Variants in KLHL32 observed in about 807,000 individuals in gnomAD.
KLHL32 encodes kelch-like protein 32.
In KLHL32, 35 loss-of-function variants were observed where a neutral mutation model predicts 64.8. That is an observed-to-expected ratio of 0.54 (90% CI 0.41 to 0.72). KLHL32 has a LOEUF of 0.72. Ranked by LOEUF, KLHL32 falls within the 30% of genes least tolerant of loss-of-function variation. The pLI, the probability that KLHL32 is intolerant of heterozygous loss-of-function variation, is 0.00. For synonymous variants in KLHL32, 259 were observed against 281.0 expected (o/e 0.92, Z 0.78); for missense variants, 589 against 768.5 (o/e 0.77, Z 2.76).
chr6:96,936,153 T>C (rs1276989495), intron 1 of KLHL32, among the ~76,000 whole-genome samples: 1 of 152,198 alleles, frequency 6.6e-6, no homozygotes, highest in African/African-American at 2.4e-5. Context: ...ACTAGAAATA[T>C]AATTAAGAAA....
At chr6:97,089,599 T>G (rs1438938116) in intron 6 of KLHL32, among the ~76,000 whole-genome samples, 1 of 152,092 alleles carries the variant, frequency 6.6e-6, no homozygotes, top group African/African-American at 2.4e-5. Context: ...CCCAACATAG[T>G]GAAACCCCAT....
chr6:97,060,236 GA>G (rs917046370), intron 4 of KLHL32, among the ~76,000 whole-genome samples: 13 of 150,554 alleles, frequency 8.6e-5, no homozygotes, highest in Non-Finnish European at 1.5e-4. Context: ...ACAGGCAGGA[GA>G]AAAAAAAAGG....
At chr6:97,059,010 C>T (rs1298905995) in intron 4 of KLHL32, among the ~76,000 whole-genome samples, 1 of 152,182 alleles carries the variant, frequency 6.6e-6, no homozygotes, top group East Asian at 1.9e-4. Context: ...CACTGAGGCA[C>T]CTGGAGTTGA....
At chr6:96,967,752 C>CA (rs966087550) in intron 2 of KLHL32, among the ~76,000 whole-genome samples, 2 of 152,042 alleles carry the variant, frequency 1.3e-5, no homozygotes, top group Non-Finnish European at 2.9e-5. Flanking sequence ...AGTAACGACA[C>CA]AAAAATAATT....
At position 97,114,402 on chromosome 6, in the gene KLHL32, T is replaced by C. The variant is rs1379922098; in HGVS notation, c.1247T>C (p.Val416Ala). ...GAACTGCGCCAGGTTCTGCCTACAG[T>C]TGAGCGATATTGCCCCAAGAAGAAC... ...RNELRQVLPTVERYCPKKNKW... is the reference protein window; with the variant it reads ...RNELRQVLPTAERYCPKKNKW... The change falls in exon 7 of 11, where the codon GTT becomes GCT. Residue 416 changes from valine to alanine, a missense_variant. By Grantham distance (64) the Val-to-Ala change is moderately conservative. Coordinates refer to ENST00000369261, the MANE Select transcript of KLHL32 (RefSeq NM_052904.4). 6.2e-7 allele frequency: 1 copy of C among 1,614,090 alleles called. No individual in the cohort carries two copies. Among genetic ancestry groups the C allele is most frequent in the African/African-American group, 1.3e-5 (1 of 74,926 alleles).
chr6:96,980,049 AGGAG>A (rs1776131465), intron 3 of KLHL32, among the ~76,000 whole-genome samples: 1 of 152,170 alleles, frequency 6.6e-6, no homozygotes, highest in Admixed American at 6.5e-5. Flanking sequence ...TATCAGATTT[AGGAG>A]ATATGGGGCA....
At chr6:97,097,418 C>T (rs775728499) in intron 6 of KLHL32, among the ~76,000 whole-genome samples, 7 of 152,124 alleles carry the variant, frequency 4.6e-5, no homozygotes, top group South Asian at 2.1e-4. Context: ...GGGCATCAGA[C>T]GGATGTTTAA....
chr6:97,073,702 C>T (rs918457570), intron 5 of KLHL32, among the ~76,000 whole-genome samples: 1 of 152,002 alleles, frequency 6.6e-6, no homozygotes, highest in African/African-American at 2.4e-5. Context: ...TGCTTCCTGA[C>T]TAGGGAACAT....
intron 1 of KLHL32, among the ~76,000 whole-genome samples, chr6:96,933,805 G>A (rs1005327276): frequency 7.9e-5 from 12 of 152,140 alleles, no homozygotes; most frequent in African/African-American, 2.7e-4. Flanking sequence ...AGTCACTCAT[G>A]GTGGCTTGAG....
intron 3 of KLHL32, among the ~76,000 whole-genome samples, chr6:97,028,815 T>TC (rs1403695675): frequency 1.3e-5 from 2 of 152,206 alleles, no homozygotes; most frequent in East Asian, 3.9e-4. Flanking sequence ...AAAAGTGCCA[T>TC]CCCTAAACAT....
At position 96,938,440 on chromosome 6, in the gene KLHL32, C is replaced by T. The variant is rs118141573; in HGVS notation, c.-66+13414C>T. On this transcript the variant is annotated intron_variant, in intron 1 of 10. Transcript: ENST00000369261. ...ACCTTCTCTTCTGGGCTCCACCTTC[C>T]GGCATGCTTCTCGTGTCCTGCAGAT... Among the ~76,000 whole-genome samples, 788 of 152,274 alleles carry T rather than the reference C, an allele frequency of 5.2e-3. 7 individuals carry two copies. Among genetic ancestry groups the T allele is most frequent in the East Asian group, 0.034 (173 of 5,158 alleles).
intron 7 of KLHL32, among the ~76,000 whole-genome samples, chr6:97,118,349 T>C (rs1798012635): frequency 6.6e-6 from 1 of 152,202 alleles, no homozygotes; most frequent in African/African-American, 2.4e-5. Flanking sequence ...CCGGGTGCAG[T>C]GGCTCACGCC....
chr6:96,943,071 T>A (rs898853514), intron 1 of KLHL32, among the ~76,000 whole-genome samples: 6 of 130,466 alleles, frequency 4.6e-5, no homozygotes, highest in Non-Finnish European at 8.8e-5. Flanking sequence ...ACACACACAC[T>A]CTGTACATAC....
rs188412557 is a variant in KLHL32, at chr6:97,056,307, A to T, written c.313-8321A>T. ...TTTTTAGTAGAGTCGGGGTTTCACC[A>T]TGTTAGCCAGGATGGTCTTGATCTC... On this transcript the variant is annotated intron_variant, in intron 4 of 10. Coordinates refer to ENST00000369261, the MANE Select transcript of KLHL32 (RefSeq NM_052904.4). Among the ~76,000 whole-genome samples the T allele has an allele frequency of 9.6e-3, 1,462 of 151,758 alleles. 27 individuals are homozygous for T. Among genetic ancestry groups the T allele is most frequent in the African/African-American group, 0.034 (1,401 of 41,370 alleles).
chr6:97,038,851 G>A (rs1274043461), intron 3 of KLHL32, among the ~76,000 whole-genome samples: 2 of 152,010 alleles, frequency 1.3e-5, no homozygotes, highest in Non-Finnish European at 2.9e-5. Flanking sequence ...AGCACTTTGG[G>A]AGGCTGAGGC....
chr6:97,041,403 C>CT (rs1024297547), intron 3 of KLHL32, 89 bp from the exon 4 acceptor site: 23 of 791,426 alleles, frequency 2.9e-5, no homozygotes, highest in East Asian at 5.0e-5. Context: ...ATTTGTAAAA[C>CT]TTTTTTTTCC....
chr6:96,903,524 GA>G, the KLHL32 span, among the ~76,000 whole-genome samples: 1 of 152,220 alleles, frequency 6.6e-6, no homozygotes, highest in Non-Finnish European at 1.5e-5. Flanking sequence ...ATCTTTGAGA[GA>G]ACCTGCAAGG....
At chr6:96,940,957 G>T (rs1043418369) in intron 1 of KLHL32, among the ~76,000 whole-genome samples, 4 of 152,202 alleles carry the variant, frequency 2.6e-5, no homozygotes, top group Non-Finnish European at 5.9e-5. Context: ...AATGGAAAGC[G>T]TAATAGATGA....
rs76077125 is a variant in KLHL32, at chr6:97,028,139, T to C, written c.205-13353T>C. 3.1e-4 allele frequency among the ~76,000 whole-genome samples: 47 copies of C among 152,108 alleles called. No homozygotes were observed. The East Asian group carries it at 9.1e-3, about 29-fold the overall frequency. On this transcript the variant is annotated intron_variant, in intron 3 of 10. Transcript: ENST00000369261. ...TACCCCAGCTGTGCTTCTCAAACAT[T>C]TATGTGCATGTGGTTCACCTGGGGC...
Sources: allele counts gnomAD v4.1 joint callset (sites outside exome capture counted in the v4.1 genomes callset), GRCh38; gene constraint gnomAD v4.1.1; transcripts MANE v1.5; gene names NCBI Gene and HGNC (gene_info 2026-07-23, HGNC 2026-07-21).